The following PRKN variants were observed in gnomAD, a reference collection of about 807,000 sequenced individuals.
PRKN encodes the protein parkin RBR E3 ubiquitin protein ligase.
Under a neutral mutation model 59.5 loss-of-function variants are expected in PRKN, and 56 were observed. The observed-to-expected ratio is 0.94, with a 90% CI of 0.76 to 1.18. PRKN has a LOEUF of 1.18. PRKN is among the 50% of genes most tolerant of loss of function. PRKN has a pLI of 0.00. For missense variants in PRKN, 657 were observed against 596.4 expected (o/e 1.10, Z -1.06); for synonymous variants, 250 against 222.1 (o/e 1.13, Z -1.12).
intron 5 of PRKN, among the ~76,000 whole-genome samples, chr6:162,038,509 T>A (rs1471081368): frequency 1.3e-5 from 2 of 152,158 alleles, no homozygotes. Context: ...TATCAAAATA[T>A]GGAAGCTCCT....
chr6:162,517,217 G>A (rs369596854), intron 1 of PRKN, among the ~76,000 whole-genome samples: 1 of 151,448 alleles, frequency 6.6e-6, no homozygotes, highest in Non-Finnish European at 1.5e-5. Context: ...CTCTCGGGGT[G>A]GGGTGGGGGA....
intron 7 of PRKN, among the ~76,000 whole-genome samples, chr6:161,746,868 GTATATATCTATATC>G (rs1788454300): frequency 6.8e-6 from 1 of 147,990 alleles, no homozygotes; most frequent in Admixed American, 6.8e-5. Context: ...ATATATCTAC[GTATATATCTATATC>G]TATATATCTA....
At chr6:162,694,487 C>T (rs570584288) in intron 1 of PRKN, among the ~76,000 whole-genome samples, 2 of 152,148 alleles carry the variant, frequency 1.3e-5, no homozygotes, top group East Asian at 3.9e-4. Context: ...CTCCTAGAGG[C>T]AAATGAGCAG....
At chr6:161,969,823 A>C (rs1340200409) in intron 6 of PRKN, among the ~76,000 whole-genome samples, 1 of 152,042 alleles carries the variant, frequency 6.6e-6, no homozygotes, top group Non-Finnish European at 1.5e-5. Flanking sequence ...CTTTGCTGAG[A>C]GTCCCTGTTA....
chr6:161,423,123 A>T lies in PRKN; in HGVS notation c.1084-36246T>A, dbSNP rs1788180679. Among the ~76,000 whole-genome samples, 1 of 152,212 alleles carries T rather than the reference A, an allele frequency of 6.6e-6. No homozygotes were observed. The highest frequency in any genetic ancestry group is 6.5e-5 in the Admixed American group (1 of 15,278). On this transcript the variant is annotated intron_variant, in intron 9 of 11. Coordinates refer to ENST00000366898, the MANE Select transcript of PRKN (RefSeq NM_004562.3). The surrounding 1 kb of genome is among the most constrained non-coding windows in gnomAD (Gnocchi z 5.9). ...AGGAGCTGCAGCACTCTTAGAGCAGACTTGACAGCTGCACTGGGTGTGAGA... is the reference window on the plus strand; with the variant it reads ...AGGAGCTGCAGCACTCTTAGAGCAGTCTTGACAGCTGCACTGGGTGTGAGA...
At chr6:161,827,323 A>G (rs1792287272) in intron 6 of PRKN, among the ~76,000 whole-genome samples, 1 of 152,094 alleles carries the variant, frequency 6.6e-6, no homozygotes, top group Non-Finnish European at 1.5e-5. Context: ...AATGGGTTTG[A>G]GTTTTACTGC....
At chr6:161,657,514 T>C (rs775682960) in intron 7 of PRKN, among the ~76,000 whole-genome samples, 3 of 152,106 alleles carry the variant, frequency 2.0e-5, no homozygotes, top group African/African-American at 4.8e-5. Flanking sequence ...AGCTTTTCAT[T>C]AGTAATTTTT....
chr6:162,656,354 T>C (rs550310303), intron 1 of PRKN, among the ~76,000 whole-genome samples: 3 of 152,306 alleles, frequency 2.0e-5, no homozygotes, highest in East Asian at 3.9e-4. Flanking sequence ...CACTACCAAC[T>C]GAATGGAGCT....
At chr6:161,416,717 G>A (rs1787870028) in intron 9 of PRKN, among the ~76,000 whole-genome samples, 1 of 152,164 alleles carries the variant, frequency 6.6e-6, no homozygotes, top group African/African-American at 2.4e-5. Flanking sequence ...ATTAATATGG[G>A]CCAGAAAGGA....
chr6:161,352,755 G>GTGTGTGTGTGTGTATA lies in PRKN; in HGVS notation c.1286-2545_1286-2544insTATACACACACACACA, dbSNP rs766949960. On this transcript the variant is annotated intron_variant, in intron 11 of 11. Transcript: ENST00000366898. The surrounding 1 kb of genome is among the most constrained non-coding windows in gnomAD (Gnocchi z 5.8). ...TGTGTGTGTGTGTGTGTGTGTGTGT[G>GTGTGTGTGTGTGTATA]TATATATATATATATATTTTATTTT... is the stretch of plus-strand genomic sequence containing the variant. Among the ~76,000 whole-genome samples, 417 of 134,334 alleles carry GTGTGTGTGTGTGTATA rather than the reference G, an allele frequency of 3.1e-3. No homozygotes were observed. Among genetic ancestry groups the GTGTGTGTGTGTGTATA allele is most frequent in the Middle Eastern group, 0.02 (5 of 256 alleles). The allele number at this position is 134,334 out of a possible 152,430, so 88.1% of individuals were successfully genotyped here. A position where few individuals can be genotyped will look rare whatever the true frequency, so the allele number is the denominator to read the frequency against.
At chr6:162,021,493 T>A (rs1398323114) in intron 5 of PRKN, among the ~76,000 whole-genome samples, 1 of 147,848 alleles carries the variant, frequency 6.8e-6, no homozygotes, top group Non-Finnish European at 1.5e-5. Flanking sequence ...AGCTCTTTTT[T>A]AAAATAATCT....
intron 1 of PRKN, among the ~76,000 whole-genome samples, chr6:162,677,299 G>A (rs887850799): frequency 1.3e-5 from 2 of 151,640 alleles, no homozygotes; most frequent in African/African-American, 4.8e-5. Flanking sequence ...GACGGGCAAG[G>A]GCAGTTCAAG....
At position 161,413,334 on chromosome 6, in the gene PRKN, T is replaced by G. The variant is rs1432360745; in HGVS notation, c.1084-26457A>C. On this transcript the variant is annotated intron_variant, in intron 9 of 11. Coordinates refer to ENST00000366898, the MANE Select transcript of PRKN (RefSeq NM_004562.3). This position sits in a 1 kb window ranked among gnomAD's most constrained non-coding sequence, Gnocchi z 4.4. Reference sequence around the variant, plus strand: ...TGTCCTCCCTCCGCTTTCCCTTCACTTCCTGAGTCTCTTTCCATTAGAAGA... The same window carrying G: ...TGTCCTCCCTCCGCTTTCCCTTCACGTCCTGAGTCTCTTTCCATTAGAAGA... Among the ~76,000 whole-genome samples the G allele has an allele frequency of 6.6e-6, 1 of 152,188 alleles. No individual in the cohort carries two copies. The highest frequency in any genetic ancestry group is 1.5e-5 in the Non-Finnish European group (1 of 68,032).
In PRKN at chr6:162,612,117, C is replaced by T. The variant is rs1453803731; in HGVS notation, c.7+115545G>A. Reference sequence around the variant, plus strand: ...CTGAGGCAGGAGAATGGCGTGAACCCGGGAGGCGGAGCTTGCAGTGAGCTG... The same window carrying T: ...CTGAGGCAGGAGAATGGCGTGAACCTGGGAGGCGGAGCTTGCAGTGAGCTG... On this transcript the variant is annotated intron_variant, in intron 1 of 11. Coordinates refer to ENST00000366898, the MANE Select transcript of PRKN (RefSeq NM_004562.3). Among the ~76,000 whole-genome samples, 8 of 148,178 alleles carry T rather than the reference C, an allele frequency of 5.4e-5. No individual in the cohort carries two copies. In the South Asian group the frequency reaches 6.4e-4, roughly 12 times the overall value.
intron 2 of PRKN, among the ~76,000 whole-genome samples, chr6:162,315,671 T>A (rs536761134): frequency 6.6e-6 from 1 of 152,296 alleles, no homozygotes; most frequent in East Asian, 1.9e-4. Flanking sequence ...AGCCAACGTA[T>A]TTTGATGTTT....
intron 6 of PRKN, among the ~76,000 whole-genome samples, chr6:161,887,887 C>T (rs1795213659): frequency 6.6e-6 from 1 of 152,146 alleles, no homozygotes; most frequent in Admixed American, 6.5e-5. Flanking sequence ...CTGGAGCAAA[C>T]ACTTTGAAGA....
intron 2 of PRKN, among the ~76,000 whole-genome samples, chr6:162,348,523 A>T (rs1448879735): frequency 6.6e-6 from 1 of 152,188 alleles, no homozygotes. Context: ...ATAAAACTAA[A>T]TAAAGAAGAA....
intron 2 of PRKN, among the ~76,000 whole-genome samples, chr6:162,335,117 G>A (rs1392011127): frequency 6.6e-6 from 1 of 151,978 alleles, no homozygotes; most frequent in African/African-American, 2.4e-5. Context: ...GGGTTCAAGC[G>A]ATTTTCCTGC....
chr6:162,673,924 T>C (rs929835807), intron 1 of PRKN, among the ~76,000 whole-genome samples: 2 of 152,156 alleles, frequency 1.3e-5, no homozygotes, highest in Admixed American at 6.5e-5. Flanking sequence ...TTTCACCAGT[T>C]GTTAGCACTG....
Sources: allele counts gnomAD v4.1 joint callset (sites outside exome capture counted in the v4.1 genomes callset), GRCh38; gene constraint gnomAD v4.1.1; non-coding constraint Gnocchi (gnomAD v3.1); transcripts MANE v1.5; gene names NCBI Gene and HGNC (gene_info 2026-07-23, HGNC 2026-07-21).